The following PLK4 variants were observed in gnomAD, a reference collection of about 807,000 sequenced individuals.
PLK4 encodes polo like kinase 4.
In PLK4, 51 loss-of-function variants were observed where a neutral mutation model predicts 103.0. The ratio of observed to expected loss-of-function variants is 0.50; its 90% CI spans 0.40 to 0.63. The LOEUF is 0.63. PLK4 is among the 20% of genes least tolerant of loss of function. PLK4 has a pLI of 0.00. For missense variants in PLK4, 1,054 were observed against 1,151.0 expected, an observed-to-expected ratio of 0.92 and a Z score of 1.22; for synonymous variants, 389 against 376.8, an observed-to-expected ratio of 1.03 and a Z score of -0.38.
chr4:127,882,682 C>T (rs1419498585), intron 2 of PLK4, among the ~76,000 whole-genome samples: 1 of 151,988 alleles, frequency 6.6e-6, no homozygotes, highest in East Asian at 1.9e-4. Flanking sequence ...CGCTTGAACC[C>T]GGGAGGCAGA....
At position 127,893,404 on chromosome 4, in the gene PLK4, G is replaced by A. The variant is rs1423602858; in HGVS notation, c.2308G>A (p.Asp770Asn). Residue 770 changes from aspartate (D) to asparagine (N), a missense_variant, in exon 11 of 16, where the codon GAC becomes AAC. By Grantham distance (23) the Asp-to-Asn change is conservative. Coordinates refer to ENST00000270861, the MANE Select transcript of PLK4 (RefSeq NM_014264.5). ...GAAAGAGGAGATAAAAATGTATATGGACCATGCTAATGAGGTACATACCTA... is the reference window on the plus strand; with the variant it reads ...GAAAGAGGAGATAAAAATGTATATGAACCATGCTAATGAGGTACATACCTA... ...SLKEEIKMYM[D>N]HANEGHRICL... 6.2e-7 allele frequency: 1 copy of A among 1,607,316 alleles called. No homozygotes were observed. Among genetic ancestry groups the A allele is most frequent in the African/African-American group, 1.3e-5 (1 of 74,648 alleles).
At chr4:127,896,226 G>A (rs780945327) in intron 14 of PLK4, among the ~76,000 whole-genome samples, 35 of 152,116 alleles carry the variant, frequency 2.3e-4, no homozygotes, top group Non-Finnish European at 4.7e-4. Context: ...ATCCTACACT[G>A]TACTCTTAAG....
intron 15 of PLK4, among the ~76,000 whole-genome samples, chr4:127,897,854 T>TTTTTG: frequency 7.7e-6 from 1 of 130,662 alleles, no homozygotes; most frequent in Non-Finnish European, 1.6e-5. Flanking sequence ...TTTTTTTTTT[T>TTTTTG]TTTTGAGACA....
Position 127,883,330 on chromosome 4 carries a change from C to A in PLK4, c.195C>A (p.Cys65Ter). 1 of 1,596,688 alleles carries A rather than the reference C, an allele frequency of 6.3e-7. No individual in the cohort carries two copies. Among genetic ancestry groups the A allele is most frequent in the Non-Finnish European group, 8.6e-7 (1 of 1,164,466 alleles). ...TCCAAAATGAGGTGAAAATACATTG[C>A]CAATTGAAACATCCTTCTATCTTGG... The part of the protein sequence containing the change: ...QRVQNEVKIH[C>*]QLKHPSILEL... Residue 65 changes from cysteine (C) to a stop codon, truncating the protein, a stop_gained, in exon 3 of 16, where the codon TGC (cysteine) becomes TGA (stop). Transcript: ENST00000270861. LOFTEE classifies it high-confidence loss of function.
Position 127,886,046 on chromosome 4 carries a change from G to A in PLK4, c.676G>A (p.Ala226Thr), listed in dbSNP as rs35448573. ...VKNTLNKVVL[A>T]DYEMPSFLSI... ...GAACACATTAAATAAAGTAGTATTGGCAGATTATGAAATGCCATCTTTTTT... is the reference window on the plus strand; with the variant it reads ...GAACACATTAAATAAAGTAGTATTGACAGATTATGAAATGCCATCTTTTTT... Residue 226 changes from alanine (A) to threonine (T), a missense_variant, in exon 5 of 16, where the codon GCA becomes ACA. This residue lies in a region of PLK4 where 680 missense variants were observed against 660.3 expected (regional missense o/e 1.03). Transcript: ENST00000270861. 26 of 1,613,962 alleles carry A rather than the reference G, an allele frequency of 1.6e-5. No homozygotes were observed. The East Asian group carries it at 4.5e-4, about 28-fold the overall frequency.
At position 127,898,361 on chromosome 4, in the gene PLK4, T is replaced by C. The variant is rs565068542; in HGVS notation, c.2811-78T>C. 56 of 706,562 alleles carry C rather than the reference T, an allele frequency of 7.9e-5. No individual in the cohort carries two copies. In the African/African-American group the frequency reaches 9.4e-4, roughly 12 times the overall value. The allele number at this position is 706,562 out of a possible 1,614,324, so 43.8% of individuals were successfully genotyped here. A position where few individuals can be genotyped will look rare whatever the true frequency, so the allele number is the denominator to read the frequency against. On this transcript the variant is annotated intron_variant, in intron 15 of 15. Coordinates refer to ENST00000270861, the MANE Select transcript of PLK4 (RefSeq NM_014264.5). ...GTTATTGAAGAATTACTGAAAAATATAATGTGCTTTTTGGGACTCTCATGA... is the reference window on the plus strand; with the variant it reads ...GTTATTGAAGAATTACTGAAAAATACAATGTGCTTTTTGGGACTCTCATGA...
intron 6 of PLK4, among the ~76,000 whole-genome samples, chr4:127,889,006 G>A (rs562340113): frequency 4.6e-5 from 7 of 152,148 alleles, no homozygotes; most frequent in Non-Finnish European, 1.0e-4. Context: ...CATCTGTTGT[G>A]TTTACAGATA....
At chr4:127,893,440 T>C in intron 11 of PLK4, 22 bp downstream of exon 11, 1 of 1,602,452 alleles carries the variant, frequency 6.2e-7, no homozygotes, top group Non-Finnish European at 8.5e-7. Context: ...ATTGTAGGTT[T>C]TTCATACCAA....
At chr4:127,885,497 A>G (rs1371532506) in intron 4 of PLK4, among the ~76,000 whole-genome samples, 1 of 151,686 alleles carries the variant, frequency 6.6e-6, no homozygotes, top group Non-Finnish European at 1.5e-5. Flanking sequence ...AAAAAAAAAA[A>G]AAGGTTAATA....
intron 5 of PLK4, 102 bp from the exon 6 acceptor site, chr4:127,887,294 A>T: frequency 1.5e-6 from 1 of 658,702 alleles, no homozygotes; most frequent in Non-Finnish European, 2.7e-6. Flanking sequence ...TAAAATGTTC[A>T]GGTATTCAAA....
At chr4:127,897,040 A>G (rs559387061) in intron 15 of PLK4, 133 bp downstream of exon 15, 1 of 571,264 alleles carries the variant, frequency 1.8e-6, no homozygotes, top group East Asian at 3.0e-5. Flanking sequence ...TAAACTGTTA[A>G]TTATTCTTAG....
Position 127,881,425 on chromosome 4 carries a change from A to G in PLK4, c.30+261A>G, listed in dbSNP as rs534479548. On this transcript the variant is annotated intron_variant, in intron 1 of 15. Transcript: ENST00000270861. ...GAGGCACTGCGGCTTTCTTTCAGCAATCCCGCCCGAGCTACCGCGTTAGAG... is the reference window on the plus strand; with the variant it reads ...GAGGCACTGCGGCTTTCTTTCAGCAGTCCCGCCCGAGCTACCGCGTTAGAG... 1.5e-5 allele frequency: 21 copies of G among 1,389,932 alleles called. No individual in the cohort carries two copies. The East Asian group carries it at 4.3e-4, about 29-fold the overall frequency. 86.1% of individuals were successfully genotyped at this position (1,389,932 alleles called of 1,614,324 possible). A position where few individuals can be genotyped will look rare whatever the true frequency, so the allele number is the denominator to read the frequency against.
chr4:127,883,462 C>A lies in PLK4; in HGVS notation c.246C>A (p.Ser82Arg), dbSNP rs191851206. Residue 82 changes from serine (S) to arginine (R), a missense_variant, in exon 4 of 16, where the codon AGC becomes AGA. Ser to Arg is a moderately radical substitution (Grantham distance 110). Coordinates refer to ENST00000270861, the MANE Select transcript of PLK4 (RefSeq NM_014264.5). ...ILELYNYFED[S>R]NYVYLVLEMC... ...AGCTTTATAACTATTTTGAAGATAG[C>A]AATTATGTGTATCTGGTATTAGAAA... 1.3e-6 allele frequency: 2 copies of A among 1,507,266 alleles called. No homozygotes were observed. The highest frequency in any genetic ancestry group is 1.1e-5 in the South Asian group (1 of 88,352). 93.4% of individuals were successfully genotyped at this position (1,507,266 alleles called of 1,614,324 possible).
In PLK4 at chr4:127,880,978, G is replaced by A; in HGVS notation, c.-157G>A. On this transcript the variant is annotated 5_prime_UTR_variant, in exon 1 of 16. Coordinates refer to ENST00000270861, the MANE Select transcript of PLK4 (RefSeq NM_014264.5). Reference sequence around the variant, plus strand: ...ACCGCCCAGGCCTCGGAAGGTGTCAGGGAGAACTTTCCGTGGTTTCAGCGT... The same window carrying A: ...ACCGCCCAGGCCTCGGAAGGTGTCAAGGAGAACTTTCCGTGGTTTCAGCGT... 1.3e-6 allele frequency: 1 copy of A among 767,394 alleles called. No homozygotes were observed. Among genetic ancestry groups the A allele is most frequent in the Non-Finnish European group, 2.2e-6 (1 of 464,394 alleles). 47.5% of individuals were successfully genotyped at this position (767,394 alleles called of 1,614,324 possible). A position where few individuals can be genotyped will look rare whatever the true frequency, so the allele number is the denominator to read the frequency against.
chr4:127,884,478 C>T (rs1308545730), intron 4 of PLK4, among the ~76,000 whole-genome samples: 2 of 152,132 alleles, frequency 1.3e-5, no homozygotes, highest in African/African-American at 4.8e-5. Context: ...TTGATAATGA[C>T]TACTGCAGTT....
intron 4 of PLK4, among the ~76,000 whole-genome samples, chr4:127,884,091 G>A (rs1408208509): frequency 6.6e-6 from 1 of 152,130 alleles, no homozygotes; most frequent in Non-Finnish European, 1.5e-5. Flanking sequence ...ATATTTCAAA[G>A]TATAGACTTC....
intron 13 of PLK4, among the ~76,000 whole-genome samples, chr4:127,894,374 C>A (rs1246230276): frequency 6.6e-6 from 1 of 151,934 alleles, no homozygotes; most frequent in Non-Finnish European, 1.5e-5. Context: ...CTACAGGCGA[C>A]CGCCACCATG....
intron 15 of PLK4, 32 bp from the exon 16 acceptor site, chr4:127,898,407 G>T (rs370449195): frequency 4.0e-6 from 4 of 996,036 alleles, no homozygotes; most frequent in South Asian, 1.4e-5. Context: ...ATTCAGTTAC[G>T]ATTTTGTCTT....
chr4:127,890,212 C>A lies in PLK4; in HGVS notation c.1806C>A (p.Ile602=). The A allele has an allele frequency of 6.2e-7, 1 of 1,603,138 alleles. No individual in the cohort carries two copies. The highest frequency in any genetic ancestry group is 8.5e-7 in the Non-Finnish European group (1 of 1,174,370). Residue 602 remains isoleucine (I), a synonymous_variant, in exon 7 of 16, where the codon ATC becomes ATA. Coordinates refer to ENST00000270861, the MANE Select transcript of PLK4 (RefSeq NM_014264.5). The stretch of plus-strand genomic sequence containing the variant: ...TGGTTGCTCACAGGTTAAAACCAAT[C>A]AGACAGAAAACCAAAAAGGCTGTGG... The part of the protein sequence containing the change: ...SPLVAHRLKP[I]RQKTKKAVVS...
Sources: allele counts gnomAD v4.1 joint callset (sites outside exome capture counted in the v4.1 genomes callset), GRCh38; gene constraint gnomAD v4.1.1; regional missense constraint gnomAD v4.1.1; transcripts MANE v1.5; gene names NCBI Gene and HGNC (gene_info 2026-07-23, HGNC 2026-07-21).